Variants in GPC6 observed in about 807,000 individuals in gnomAD.
GPC6 encodes glypican-6.
A neutral mutation model predicts 55.2 loss-of-function variants in GPC6; 14 were observed. The observed-to-expected ratio is 0.25, with a 90% CI of 0.17 to 0.40. The LOEUF is 0.40. GPC6 is among the 10% of genes least tolerant of loss of function. The probability of loss-of-function intolerance (pLI) is 1.00; values close to 1 mark genes in which losing one functional copy is unlikely to be tolerated. For missense variants in GPC6, 641 were observed against 708.5 expected, an observed-to-expected ratio of 0.90 and a Z score of 1.08; for synonymous variants, 278 against 259.6, an observed-to-expected ratio of 1.07 and a Z score of -0.68.
At chr13:93,748,227 A>ATATT (rs1884466776) in intron 2 of GPC6, among the ~76,000 whole-genome samples, 1 of 152,158 alleles carries the variant, frequency 6.6e-6, no homozygotes, top group Admixed American at 6.6e-5. Context: ...TTTAAATGAC[A>ATATT]TATTGCTTTG....
chr13:93,492,791 T>A (rs1184723945), intron 1 of GPC6, among the ~76,000 whole-genome samples: 10 of 150,840 alleles, frequency 6.6e-5, no homozygotes, highest in Admixed American at 1.3e-4. Flanking sequence ...ATGTGGTTTT[T>A]GTCTTTGGCT....
At chr13:93,631,080 CA>C (rs1879408736) in intron 2 of GPC6, among the ~76,000 whole-genome samples, 1 of 152,126 alleles carries the variant, frequency 6.6e-6, no homozygotes, top group African/African-American at 2.4e-5. Context: ...TCAGGTAAGA[CA>C]GGGGTCCTTG....
chr13:93,393,388 C>T (rs889390993), intron 1 of GPC6, among the ~76,000 whole-genome samples: 1 of 151,942 alleles, frequency 6.6e-6, no homozygotes, highest in Non-Finnish European at 1.5e-5. Flanking sequence ...TCGTGATCTG[C>T]CCACCTCGGC....
intron 4 of GPC6, among the ~76,000 whole-genome samples, chr13:94,254,371 T>G (rs1466060428): frequency 6.6e-6 from 1 of 152,128 alleles, no homozygotes; most frequent in Admixed American, 6.6e-5. Flanking sequence ...TGCCTCTACC[T>G]TTGATATATC....
At chr13:93,522,206 C>T (rs946381572) in intron 1 of GPC6, among the ~76,000 whole-genome samples, 5 of 151,896 alleles carry the variant, frequency 3.3e-5, no homozygotes, top group African/African-American at 9.7e-5. Flanking sequence ...TTTTACAACT[C>T]TGTTGGTTAG....
At chr13:94,331,866 A>C (rs1296948871) in intron 6 of GPC6, among the ~76,000 whole-genome samples, 2 of 152,220 alleles carry the variant, frequency 1.3e-5, no homozygotes, top group Non-Finnish European at 2.9e-5. Flanking sequence ...TGGAATATAG[A>C]TATTAAGCCA....
At position 94,328,581 on chromosome 13, in the gene GPC6, A is replaced by G. The variant is rs994457994; in HGVS notation, c.1152+22458A>G. Among the ~76,000 whole-genome samples the G allele has an allele frequency of 2.6e-5, 4 of 152,370 alleles. No homozygotes were observed. In the East Asian group the frequency reaches 7.7e-4, roughly 29 times the overall value. ...TCACTGCTCTGTGTTTGTCAGGAGC[A>G]GACGTGAAGAGAGACCCCATCCACA... On this transcript the variant is annotated intron_variant, in intron 6 of 8. Coordinates refer to ENST00000377047, the MANE Select transcript of GPC6 (RefSeq NM_005708.5).
intron 1 of GPC6, among the ~76,000 whole-genome samples, chr13:93,235,379 T>C (rs1157602748): frequency 1.3e-5 from 2 of 152,130 alleles, no homozygotes; most frequent in Non-Finnish European, 2.9e-5. Context: ...CTAGGCTTTA[T>C]ATGACAGAAA....
intron 2 of GPC6, among the ~76,000 whole-genome samples, chr13:93,798,111 G>T (rs1020295884): frequency 5.3e-5 from 8 of 152,112 alleles, no homozygotes; most frequent in African/African-American, 1.9e-4. Context: ...TTGAAAATGG[G>T]GTTATGGAAG....
intron 6 of GPC6, among the ~76,000 whole-genome samples, chr13:94,316,836 T>C (rs1423945994): frequency 1.3e-5 from 2 of 152,202 alleles, no homozygotes; most frequent in African/African-American, 4.8e-5. Context: ...TGAGAGCTGC[T>C]CTTGTATGAC....
intron 4 of GPC6, among the ~76,000 whole-genome samples, chr13:94,190,825 A>C (rs1359362602): frequency 6.6e-6 from 1 of 152,218 alleles, no homozygotes; most frequent in East Asian, 1.9e-4. Flanking sequence ...ACATATGAGT[A>C]GCATATATGA....
At chr13:93,797,969 G>A (rs1222998046) in intron 2 of GPC6, among the ~76,000 whole-genome samples, 1 of 152,180 alleles carries the variant, frequency 6.6e-6, no homozygotes, top group African/African-American at 2.4e-5. Flanking sequence ...AGGTAAGGAG[G>A]AGAGTGAGGT....
At chr13:93,957,280 TA>T (rs1463149818) in intron 3 of GPC6, among the ~76,000 whole-genome samples, 9 of 152,340 alleles carry the variant, frequency 5.9e-5, no homozygotes, top group African/African-American at 1.9e-4. Context: ...ATTTTAGATA[TA>T]GGGGGTACAC....
At chr13:93,408,362 T>C (rs1876372365) in intron 1 of GPC6, among the ~76,000 whole-genome samples, 1 of 152,022 alleles carries the variant, frequency 6.6e-6, no homozygotes. Context: ...CAGCACTGGG[T>C]AGATGGAGGA....
chr13:93,577,135 T>C (rs557879384), intron 2 of GPC6, among the ~76,000 whole-genome samples: 1 of 152,262 alleles, frequency 6.6e-6, no homozygotes, highest in East Asian at 1.9e-4. Flanking sequence ...ACACTACCAA[T>C]AACTTAACTT....
intron 2 of GPC6, among the ~76,000 whole-genome samples, chr13:93,577,697 G>A (rs188250087): frequency 6.0e-4 from 91 of 151,938 alleles, no homozygotes; most frequent in South Asian, 1.2e-3. Flanking sequence ...CTGGATGCCC[G>A]TTATTTCTTT....
chr13:93,335,238 A>G (rs1880006021), intron 1 of GPC6, among the ~76,000 whole-genome samples: 1 of 152,352 alleles, frequency 6.6e-6, no homozygotes, highest in South Asian at 2.1e-4. Context: ...GTTATAGAAT[A>G]TAACAAATAG....
the GPC6 span, among the ~76,000 whole-genome samples, chr13:93,218,340 TTC>T: frequency 3.3e-5 from 5 of 152,158 alleles, no homozygotes; most frequent in Non-Finnish European, 5.9e-5. Flanking sequence ...TACAATAGAA[TTC>T]TCTGTGGCTG....
chr13:93,671,286 CT>C, intron 2 of GPC6, among the ~76,000 whole-genome samples: 1 of 150,086 alleles, frequency 6.7e-6, no homozygotes, highest in East Asian at 1.9e-4. Flanking sequence ...TTTTTTTTCC[CT>C]TCCTCGAAGA....
Sources: gnomAD v4.1 joint callset for allele counts (sites outside exome capture counted in the v4.1 genomes callset) on GRCh38, gnomAD v4.1.1 for gene constraint, MANE v1.5 for transcripts, NCBI Gene and HGNC (gene_info 2026-07-23, HGNC 2026-07-21) for gene names.